NR3C2: variants seen among roughly 807,000 people sequenced by gnomAD.
The protein encoded by NR3C2 is nuclear receptor subfamily 3 group C member 2.
In NR3C2, 15 loss-of-function variants were observed where a neutral mutation model predicts 86.4. The observed-to-expected ratio is 0.17, with a 90% CI of 0.12 to 0.27. NR3C2 has a LOEUF of 0.27. Ranked by LOEUF, NR3C2 falls within the 10% of genes least tolerant of loss-of-function variation. The probability of loss-of-function intolerance (pLI) is 1.00; values close to 1 mark genes in which losing one functional copy is unlikely to be tolerated. For synonymous variants in NR3C2, 458 were observed against 450.5 expected (o/e 1.02, Z -0.21); for missense variants, 960 against 1,195.6 (o/e 0.80, Z 2.91).
Position 148,261,427 on chromosome 4 carries a change from C to T in NR3C2, c.1758-1310G>A, listed in dbSNP as rs72728446. ...CAGTGCTATGGTGCGCTATGGTAAG[C>T]GCTATGGTGCGCTACGGTCAGTGCT... On this transcript the variant is annotated intron_variant, in intron 2 of 8. Transcript: ENST00000358102. Among the ~76,000 whole-genome samples the T allele has an allele frequency of 8.4e-3, 1,264 of 151,110 alleles. 12 individuals are homozygous for T. Among genetic ancestry groups the T allele is most frequent in the Non-Finnish European group, 0.013 (863 of 67,610 alleles).
At chr4:148,237,089 A>G (rs12504040) in intron 3 of NR3C2, among the ~76,000 whole-genome samples, 22,787 of 152,234 alleles carry the variant, frequency 0.15, 2,137 homozygotes, top group Admixed American at 0.24. Flanking sequence ...TCACTGAACT[A>G]TGAACTTTAA....
chr4:148,441,097 CCT>C (rs1750316447), intron 1 of NR3C2, among the ~76,000 whole-genome samples: 1 of 152,180 alleles, frequency 6.6e-6, no homozygotes, highest in South Asian at 2.1e-4. Context: ...CCCAAGGTCA[CCT>C]GAGAGAGCGG....
chr4:148,179,665 T>C (rs1041925932), intron 4 of NR3C2, among the ~76,000 whole-genome samples: 3 of 151,712 alleles, frequency 2.0e-5, no homozygotes, highest in African/African-American at 7.2e-5. Context: ...TAACAAAAAT[T>C]AGATGTATAT....
intron 2 of NR3C2, among the ~76,000 whole-genome samples, chr4:148,339,763 T>C (rs917205001): frequency 2.6e-5 from 4 of 152,170 alleles, no homozygotes; most frequent in Non-Finnish European, 5.9e-5. Context: ...GAAGTCAAAT[T>C]ATTCTTGTTC....
At chr4:148,207,752 G>C (rs1737076092) in intron 3 of NR3C2, among the ~76,000 whole-genome samples, 2 of 152,140 alleles carry the variant, frequency 1.3e-5, no homozygotes, top group South Asian at 4.1e-4. Context: ...ATCCATGAGG[G>C]ACATGTTCCA....
chr4:148,402,900 A>G (rs1448151610), intron 2 of NR3C2, among the ~76,000 whole-genome samples: 2 of 152,138 alleles, frequency 1.3e-5, no homozygotes, highest in Non-Finnish European at 2.9e-5. Flanking sequence ...AAATTTATAG[A>G]AAAGTCTTAA....
intron 2 of NR3C2, among the ~76,000 whole-genome samples, chr4:148,309,755 A>G (rs910712749): frequency 1.3e-5 from 2 of 152,218 alleles, no homozygotes; most frequent in African/African-American, 4.8e-5. Context: ...ACAGACCTTG[A>G]AAGATTATGG....
intron 2 of NR3C2, among the ~76,000 whole-genome samples, chr4:148,299,832 T>C (rs1477483744): frequency 6.6e-6 from 1 of 152,248 alleles, no homozygotes; most frequent in Non-Finnish European, 1.5e-5. Context: ...TTTGTTTTTT[T>C]CTTTTCTCCA....
At chr4:148,096,149 A>T (rs1321960753) in intron 8 of NR3C2, among the ~76,000 whole-genome samples, 1 of 152,202 alleles carries the variant, frequency 6.6e-6, no homozygotes, top group Non-Finnish European at 1.5e-5. Flanking sequence ...TCTATTGTAC[A>T]TGTGAAAAAC....
chr4:148,430,825 A>C (rs1749768686), intron 2 of NR3C2, among the ~76,000 whole-genome samples: 1 of 152,182 alleles, frequency 6.6e-6, no homozygotes, highest in African/African-American at 2.4e-5. Flanking sequence ...TTGTCATATA[A>C]TGTGAGTTTC....
intron 2 of NR3C2, among the ~76,000 whole-genome samples, chr4:148,330,184 T>A (rs1054710622): frequency 4.6e-5 from 7 of 152,216 alleles, no homozygotes; most frequent in African/African-American, 1.7e-4. Flanking sequence ...TTTGTCTTCA[T>A]AAGACTCAGC....
chr4:148,088,719 TG>T (rs1298825909), intron 8 of NR3C2, among the ~76,000 whole-genome samples: 2 of 79,570 alleles, frequency 2.5e-5, no homozygotes, highest in Non-Finnish European at 5.0e-5. Context: ...TGTTGGAGGG[TG>T]GGGGGCTAGG....
chr4:148,081,309 A>AAACTT lies in NR3C2; in HGVS notation c.*30_*34dup, dbSNP rs777019329. The stretch of plus-strand genomic sequence containing the variant: ...CTTCTGGGTGTGGAACAACACAGGG[A>AAACTT]AACTTAAGGCAAAGTTCTTCTGGGC... On this transcript the variant is annotated 3_prime_UTR_variant, in exon 9 of 9. Coordinates refer to ENST00000358102, the MANE Select transcript of NR3C2 (RefSeq NM_000901.5). The AAACTT allele has an allele frequency of 5.0e-6, 8 of 1,614,132 alleles. No homozygotes were observed. In the South Asian group the frequency reaches 5.5e-5, roughly 11 times the overall value.
At chr4:148,091,925 G>A (rs981991680) in intron 8 of NR3C2, among the ~76,000 whole-genome samples, 1 of 152,130 alleles carries the variant, frequency 6.6e-6, no homozygotes, top group African/African-American at 2.4e-5. Flanking sequence ...TATTCCCACT[G>A]CAAAGCATGA....
chr4:148,397,713 C>G (rs1213583289), intron 2 of NR3C2, among the ~76,000 whole-genome samples: 2 of 152,106 alleles, frequency 1.3e-5, no homozygotes. Flanking sequence ...TTCTTCTGCT[C>G]TAAACTGAGA....
intron 6 of NR3C2, among the ~76,000 whole-genome samples, chr4:148,126,490 G>A (rs1408861330): frequency 6.6e-6 from 1 of 152,180 alleles, no homozygotes; most frequent in Non-Finnish European, 1.5e-5. Flanking sequence ...AAAAACCAGA[G>A]ATAATGTAGG....
At chr4:148,086,231 A>C (rs1457963391) in intron 8 of NR3C2, among the ~76,000 whole-genome samples, 1 of 152,244 alleles carries the variant, frequency 6.6e-6, no homozygotes, top group Non-Finnish European at 1.5e-5. Flanking sequence ...AATCCTCAAT[A>C]AAATACGGGC....
chr4:148,196,141 A>G (rs1326413436), intron 3 of NR3C2, among the ~76,000 whole-genome samples: 1 of 152,176 alleles, frequency 6.6e-6, no homozygotes, highest in Non-Finnish European at 1.5e-5. Flanking sequence ...TTCTAGATGT[A>G]TTCCAAAAGT....
intron 6 of NR3C2, among the ~76,000 whole-genome samples, chr4:148,146,224 T>G (rs1455392092): frequency 6.6e-6 from 1 of 151,888 alleles, no homozygotes; most frequent in Non-Finnish European, 1.5e-5. Context: ...CCTGATGGGG[T>G]GAGGAGGGTC....
Sources: allele counts gnomAD v4.1 joint callset (sites outside exome capture counted in the v4.1 genomes callset), GRCh38; gene constraint gnomAD v4.1.1; transcripts MANE v1.5; gene names NCBI Gene and HGNC (gene_info 2026-07-23, HGNC 2026-07-21).